The following GLIS3 variants were observed in gnomAD, a reference collection of about 807,000 sequenced individuals.
The protein encoded by GLIS3 is zinc finger protein GLIS3.
GLIS3 carries 53 observed loss-of-function variants against 78.6 expected under a neutral mutation model. The ratio of observed to expected loss-of-function variants is 0.67; its 90% CI spans 0.54 to 0.85. GLIS3 has a LOEUF of 0.85. Among genes scored for constraint, GLIS3 ranks in the 40% least tolerant of loss-of-function variants. The pLI, the probability that GLIS3 is intolerant of heterozygous loss-of-function variation, is 0.00. For missense variants in GLIS3, 1,703 were observed against 1,231.1 expected (o/e 1.38, Z -5.74); for synonymous variants, 684 against 509.9 (o/e 1.34, Z -4.60).
Position 4,094,509 on chromosome 9 carries a change from T to G in GLIS3, c.1710+23259A>C, listed in dbSNP as rs926262362. Among the ~76,000 whole-genome samples the G allele has an allele frequency of 5.3e-5, 8 of 152,196 alleles. No individual in the cohort carries two copies. In the South Asian group the frequency reaches 1.7e-3, roughly 32 times the overall value. On this transcript the variant is annotated intron_variant, in intron 4 of 10. Coordinates refer to ENST00000381971, the MANE Select transcript of GLIS3 (RefSeq NM_001042413.2). ...TAATATGATCCTCAACAATTTAGATTAGTAACATTTTACAATCCTCAGCCT... is the reference window on the plus strand; with the variant it reads ...TAATATGATCCTCAACAATTTAGATGAGTAACATTTTACAATCCTCAGCCT...
intron 4 of GLIS3, among the ~76,000 whole-genome samples, chr9:4,095,995 C>T (rs1192466545): frequency 7.4e-6 from 1 of 135,170 alleles, no homozygotes; most frequent in East Asian, 2.1e-4. Flanking sequence ...TTTCTCTACA[C>T]CCAGTAACCT....
the GLIS3 span, among the ~76,000 whole-genome samples, chr9:4,433,066 T>A: frequency 2.0e-5 from 3 of 152,208 alleles, no homozygotes; most frequent in African/African-American, 7.2e-5. Flanking sequence ...GAGAATTGTT[T>A]TACTCAACCA....
chr9:4,243,129 G>C (rs1015830270), intron 2 of GLIS3, among the ~76,000 whole-genome samples: 1 of 152,104 alleles, frequency 6.6e-6, no homozygotes, highest in Non-Finnish European at 1.5e-5. Context: ...CCTCTCTTGA[G>C]AAACAACCCT....
chr9:4,151,673 T>C (rs1474043033), intron 2 of GLIS3, among the ~76,000 whole-genome samples: 2 of 152,236 alleles, frequency 1.3e-5, no homozygotes, highest in Non-Finnish European at 2.9e-5. Flanking sequence ...CCTTTCTTCA[T>C]CTTTGTTCTA....
intron 2 of GLIS3, among the ~76,000 whole-genome samples, chr9:4,328,715 T>C (rs1218270546): frequency 1.3e-5 from 2 of 152,218 alleles, no homozygotes; most frequent in African/African-American, 2.4e-5. Context: ...TTTCTTAGGC[T>C]TTCTGTGCCT....
intron 2 of GLIS3, among the ~76,000 whole-genome samples, chr9:4,131,478 T>C (rs1215911746): frequency 2.6e-5 from 4 of 152,162 alleles, no homozygotes; most frequent in East Asian, 1.9e-4. Flanking sequence ...CCTTCATGAA[T>C]GGTTTGGCAC....
At chr9:4,463,737 A>G in the GLIS3 span, among the ~76,000 whole-genome samples, 1 of 152,184 alleles carries the variant, frequency 6.6e-6, no homozygotes, top group Non-Finnish European at 1.5e-5. Context: ...TGTCTGAGCT[A>G]TTGTCTCCTA....
the GLIS3 span, among the ~76,000 whole-genome samples, chr9:4,436,365 T>C: frequency 6.6e-6 from 1 of 152,104 alleles, no homozygotes; most frequent in African/African-American, 2.4e-5. Flanking sequence ...TAATAGGAAA[T>C]AAGATAAAAT....
intron 4 of GLIS3, among the ~76,000 whole-genome samples, chr9:4,029,105 C>T (rs1052712754): frequency 4.6e-5 from 7 of 152,068 alleles, no homozygotes; most frequent in Non-Finnish European, 8.8e-5. Flanking sequence ...AAGCTTAAAA[C>T]ACAAACCAGT....
intron 6 of GLIS3, among the ~76,000 whole-genome samples, chr9:3,908,780 A>G (rs961987114): frequency 4.4e-5 from 6 of 136,772 alleles, no homozygotes; most frequent in Non-Finnish European, 6.0e-5. Context: ...AGAGATGGAA[A>G]TTTTACTCCC....
chr9:4,086,679 C>A lies in GLIS3; in HGVS notation c.1710+31089G>T, dbSNP rs531925146. ...TTTTGGAGAGTTTTAGATTTTTTTA[C>A]CATGTAAATGTACCACTTGTCAAAA... On this transcript the variant is annotated intron_variant, in intron 4 of 10. Transcript: ENST00000381971. Among the ~76,000 whole-genome samples, 11 of 152,252 alleles carry A rather than the reference C, an allele frequency of 7.2e-5. No individual in the cohort carries two copies. The South Asian group carries it at 2.3e-3, about 32-fold the overall frequency.
At chr9:4,052,507 C>A (rs964810545) in intron 4 of GLIS3, among the ~76,000 whole-genome samples, 3 of 152,156 alleles carry the variant, frequency 2.0e-5, no homozygotes, top group African/African-American at 2.4e-5. Context: ...CACACCCTGG[C>A]CCCTAGTCAA....
chr9:4,093,036 G>T (rs955829182), intron 4 of GLIS3, among the ~76,000 whole-genome samples: 1 of 152,056 alleles, frequency 6.6e-6, no homozygotes, highest in African/African-American at 2.4e-5. Flanking sequence ...AATCTTATGG[G>T]GCCACTGTTG....
chr9:3,933,002 C>G (rs1016739764), intron 5 of GLIS3: 7 of 226,368 alleles, frequency 3.1e-5, no homozygotes, highest in African/African-American at 1.6e-4. Flanking sequence ...CAAACAGACA[C>G]GTGAAAAATC....
intron 7 of GLIS3, among the ~76,000 whole-genome samples, chr9:3,885,563 T>G (rs893591620): frequency 6.6e-6 from 1 of 152,188 alleles, no homozygotes; most frequent in African/African-American, 2.4e-5. Flanking sequence ...GAAGAGGTGT[T>G]GGCTCACCAT....
intron 2 of GLIS3, among the ~76,000 whole-genome samples, chr9:4,215,942 T>C (rs1820787378): frequency 6.6e-6 from 1 of 152,212 alleles, no homozygotes; most frequent in Non-Finnish European, 1.5e-5. Flanking sequence ...AAAAGCTGAT[T>C]CTAATGAAAT....
intron 2 of GLIS3, among the ~76,000 whole-genome samples, chr9:4,338,938 C>T (rs1817795399): frequency 6.6e-6 from 1 of 152,118 alleles, no homozygotes; most frequent in Non-Finnish European, 1.5e-5. Flanking sequence ...TCTGCATTAA[C>T]ACACAAGGAC....
At chr9:3,900,770 G>T (rs1462634136) in intron 6 of GLIS3, 5 of 152,052 alleles carry the variant, frequency 3.3e-5, no homozygotes, top group African/African-American at 1.2e-4. Context: ...TTTGCTTTCA[G>T]TAGTACTATT....
At chr9:4,435,109 A>G in the GLIS3 span, among the ~76,000 whole-genome samples, 1 of 152,172 alleles carries the variant, frequency 6.6e-6, no homozygotes, top group Non-Finnish European at 1.5e-5. Flanking sequence ...TAGAGATAAG[A>G]TTCTTTGAGC....
Sources: allele counts gnomAD v4.1 joint callset (sites outside exome capture counted in the v4.1 genomes callset), GRCh38; gene constraint gnomAD v4.1.1; transcripts MANE v1.5; gene names NCBI Gene and HGNC (gene_info 2026-07-23, HGNC 2026-07-21).